The following SYTL3 variants were observed in gnomAD, a reference collection of about 807,000 sequenced individuals.
SYTL3 encodes the protein synaptotagmin-like protein 3.
In SYTL3, 88 loss-of-function variants were observed where a neutral mutation model predicts 82.1. The ratio of observed to expected loss-of-function variants is 1.07; its 90% CI spans 0.90 to 1.28. The LOEUF (loss-of-function observed/expected upper bound fraction) is 1.28, where lower values mean the gene tolerates loss of function less well. Among genes scored for constraint, SYTL3 ranks in the 50% most tolerant of loss-of-function variants. The pLI is 0.00. For synonymous variants in SYTL3, 311 were observed against 289.4 expected, an observed-to-expected ratio of 1.07 and a Z score of -0.76; for missense variants, 831 against 757.6, an observed-to-expected ratio of 1.10 and a Z score of -1.14.
intron 11 of SYTL3, among the ~76,000 whole-genome samples, chr6:158,729,217 A>G (rs780989935): frequency 1.1e-4 from 17 of 152,216 alleles, no homozygotes; most frequent in Non-Finnish European, 2.2e-4. Flanking sequence ...TGGGTAATTT[A>G]TAAACAATAG....
chr6:158,720,526 C>T (rs1244141282), intron 10 of SYTL3, among the ~76,000 whole-genome samples: 1 of 150,418 alleles, frequency 6.6e-6, no homozygotes, highest in Non-Finnish European at 1.5e-5. Flanking sequence ...GAATTCTAAA[C>T]TCTATGTTCC....
chr6:158,728,068 A>G (rs1278068781), intron 11 of SYTL3, among the ~76,000 whole-genome samples: 1 of 152,092 alleles, frequency 6.6e-6, no homozygotes, highest in Admixed American at 6.5e-5. Flanking sequence ...AATAATAAAT[A>G]TTGGTGTCTT....
At chr6:158,699,186 G>T (rs1030606715) in intron 6 of SYTL3, among the ~76,000 whole-genome samples, 2 of 152,182 alleles carry the variant, frequency 1.3e-5, no homozygotes, top group African/African-American at 4.8e-5. Flanking sequence ...CGAGCAACAC[G>T]ACTTGGCGGG....
At chr6:158,705,629 G>A (rs1016977101) in intron 6 of SYTL3, among the ~76,000 whole-genome samples, 6 of 48,882 alleles carry the variant, frequency 1.2e-4, no homozygotes, top group African/African-American at 4.0e-4. Context: ...GGAGGGACTC[G>A]GGGCAGGGTG....
Position 158,667,915 on chromosome 6 carries a change from C to T in SYTL3, c.329+2302C>T, listed in dbSNP as rs549877576. Among the ~76,000 whole-genome samples, 109 of 152,278 alleles carry T rather than the reference C, an allele frequency of 7.2e-4. 1 individual carries two copies. Among genetic ancestry groups the T allele is most frequent in the African/African-American group, 2.6e-3 (107 of 41,546 alleles). On this transcript the variant is annotated intron_variant, in intron 5 of 17. Coordinates refer to ENST00000611299, the MANE Select transcript of SYTL3 (RefSeq NM_001242394.2). ...GAACTGAGTGCCAAGTTGCTAAGGG[C>T]CCTGGGAGCTCAGAGAGGGAGAGAT...
chr6:158,756,719 A>ATTTTTTTTTTTTTTT (rs758259824), intron 13 of SYTL3, among the ~76,000 whole-genome samples: 1 of 48,566 alleles, frequency 2.1e-5, no homozygotes, highest in Non-Finnish European at 3.4e-5. Context: ...TCAAAAAAAA[A>ATTTTTTTTTTTTTTT]TTTTTTTTTT....
intron 12 of SYTL3, among the ~76,000 whole-genome samples, chr6:158,745,902 TG>T (rs2128515033): frequency 6.6e-6 from 1 of 152,294 alleles, no homozygotes; most frequent in East Asian, 1.9e-4. Flanking sequence ...AAAACTTACA[TG>T]ATCAAGGAGT....
chr6:158,663,902 T>A (rs1303184747), intron 4 of SYTL3, among the ~76,000 whole-genome samples: 1 of 152,152 alleles, frequency 6.6e-6, no homozygotes, highest in Non-Finnish European at 1.5e-5. Flanking sequence ...AATATGAACC[T>A]GCTTAGCCTG....
chr6:158,722,348 G>C (rs1231792362), intron 10 of SYTL3, among the ~76,000 whole-genome samples: 1 of 152,014 alleles, frequency 6.6e-6, no homozygotes, highest in African/African-American at 2.4e-5. Flanking sequence ...TTTTTCTAGA[G>C]ATAGGGTTTT....
At chr6:158,708,169 C>T (rs1782324765) in intron 7 of SYTL3, among the ~76,000 whole-genome samples, 153 bp from the exon 8 acceptor site, 1 of 152,050 alleles carries the variant, frequency 6.6e-6, no homozygotes, top group Non-Finnish European at 1.5e-5. Flanking sequence ...CAGGTCCAAG[C>T]AGGGCTGCTG....
At chr6:158,685,296 C>G (rs1309073117) in intron 6 of SYTL3, among the ~76,000 whole-genome samples, 3 of 150,298 alleles carry the variant, frequency 2.0e-5, no homozygotes, top group Admixed American at 2.0e-4. Flanking sequence ...TCACTGTAAA[C>G]TCCTCCTCCT....
At chr6:158,742,911 C>T (rs1180944964) in intron 11 of SYTL3, among the ~76,000 whole-genome samples, 1 of 152,040 alleles carries the variant, frequency 6.6e-6, no homozygotes, top group African/African-American at 2.4e-5. Flanking sequence ...TTAAGCTTCT[C>T]GGCCCCTCAG....
rs547178753 is a variant in SYTL3, at chr6:158,733,371, G to A, written c.855+7734G>A. 3.8e-4 allele frequency among the ~76,000 whole-genome samples: 58 copies of A among 151,978 alleles called. No individual in the cohort carries two copies. In the South Asian group the frequency reaches 0.01, roughly 27 times the overall value. ...AGATAGAGTCTTGCTCTGTCACCAA[G>A]GCTTGAGTGCAGTGGCCCAACCTCA... On this transcript the variant is annotated intron_variant, in intron 11 of 17. Transcript: ENST00000611299.
intron 6 of SYTL3, among the ~76,000 whole-genome samples, chr6:158,689,125 G>T (rs566739946): frequency 9.9e-5 from 15 of 152,272 alleles, no homozygotes; most frequent in African/African-American, 3.1e-4. Context: ...ATTTTTGAAA[G>T]TTTATAAGGT....
At chr6:158,727,004 C>T (rs1784815516) in intron 11 of SYTL3, among the ~76,000 whole-genome samples, 1 of 151,898 alleles carries the variant, frequency 6.6e-6, no homozygotes, top group African/African-American at 2.4e-5. Context: ...CGCCCGCCAC[C>T]ACACCCGGCT....
At chr6:158,710,840 G>GC (rs1205892624) in intron 8 of SYTL3, among the ~76,000 whole-genome samples, 1 of 151,142 alleles carries the variant, frequency 6.6e-6, no homozygotes, top group Non-Finnish European at 1.5e-5. Flanking sequence ...GAGTGCAATG[G>GC]CGCAATCTTG....
intron 5 of SYTL3, among the ~76,000 whole-genome samples, chr6:158,673,737 C>A (rs1203979747): frequency 1.3e-5 from 2 of 151,406 alleles, no homozygotes; most frequent in Non-Finnish European, 1.5e-5. Flanking sequence ...CACGCCCCGC[C>A]AGGAACAGCT....
At chr6:158,711,140 G>A (rs1324937684) in intron 8 of SYTL3, among the ~76,000 whole-genome samples, 1 of 152,156 alleles carries the variant, frequency 6.6e-6, no homozygotes, top group African/African-American at 2.4e-5. Context: ...TGCTCCAGTC[G>A]TTGCAATTAA....
At chr6:158,716,414 A>G (rs1255787894) in intron 9 of SYTL3, among the ~76,000 whole-genome samples, 1 of 152,188 alleles carries the variant, frequency 6.6e-6, no homozygotes, top group Non-Finnish European at 1.5e-5. Flanking sequence ...CTAAGGGCTT[A>G]GAAATTAGAG....
Sources: allele counts gnomAD v4.1 joint callset (sites outside exome capture counted in the v4.1 genomes callset), GRCh38; gene constraint gnomAD v4.1.1; transcripts MANE v1.5; gene names NCBI Gene and HGNC (gene_info 2026-07-23, HGNC 2026-07-21).